The following FLRT2 variants were observed in gnomAD, a reference collection of about 807,000 sequenced individuals.
FLRT2 encodes fibronectin leucine rich transmembrane protein 2, also known as leucine-rich repeat transmembrane protein FLRT2.
FLRT2 carries 15 observed loss-of-function variants against 40.0 expected under a neutral mutation model. That is an observed-to-expected ratio of 0.38 (90% CI 0.25 to 0.58). The LOEUF is 0.58. Among genes scored for constraint, FLRT2 ranks in the 20% least tolerant of loss-of-function variants. FLRT2 has a pLI of 0.71. For missense variants in FLRT2, 726 were observed against 840.0 expected, an observed-to-expected ratio of 0.86 and a Z score of 1.68; for synonymous variants, 380 against 336.8, an observed-to-expected ratio of 1.13 and a Z score of -1.41.
chr14:85,558,096 T>A (rs1890087816), intron 1 of FLRT2, among the ~76,000 whole-genome samples: 2 of 151,276 alleles, frequency 1.3e-5, no homozygotes, highest in African/African-American at 4.9e-5. Context: ...GCACTGATGA[T>A]GTTGTATAAA....
At chr14:85,589,826 A>G (rs1007386524) in intron 1 of FLRT2, among the ~76,000 whole-genome samples, 1 of 152,114 alleles carries the variant, frequency 6.6e-6, no homozygotes, top group Non-Finnish European at 1.5e-5. Flanking sequence ...TCTTCTGCCT[A>G]TGGATATCAA....
chr14:85,540,276 G>C (rs999218439), intron 1 of FLRT2, among the ~76,000 whole-genome samples: 2 of 152,122 alleles, frequency 1.3e-5, no homozygotes, highest in African/African-American at 4.8e-5. Context: ...CATTAACAGT[G>C]AATAGAAAGA....
chr14:85,550,698 T>C (rs1331130086), intron 1 of FLRT2, among the ~76,000 whole-genome samples: 1 of 152,072 alleles, frequency 6.6e-6, no homozygotes, highest in Non-Finnish European at 1.5e-5. Flanking sequence ...AATCTAGAAA[T>C]GCAATGTTAA....
intron 1 of FLRT2, 142 bp downstream of exon 1, chr14:85,530,676 T>A (rs1167587347): frequency 3.3e-5 from 5 of 152,264 alleles, no homozygotes; most frequent in Admixed American, 1.3e-4. Context: ...CTCTAGGCTT[T>A]GTCTTTCACC....
At chr14:85,595,589 C>T (rs1432300596) in intron 1 of FLRT2, among the ~76,000 whole-genome samples, 1 of 152,028 alleles carries the variant, frequency 6.6e-6, no homozygotes, top group African/African-American at 2.4e-5. Context: ...TCATGGATTC[C>T]TTTCAAAAAT....
At chr14:85,531,331 C>A (rs1888259420) in intron 1 of FLRT2, 1 of 152,460 alleles carries the variant, frequency 6.6e-6, no homozygotes, top group African/African-American at 2.4e-5. Context: ...GCAGGCCTTG[C>A]CAGCTGTTAC....
At chr14:85,588,374 G>A (rs1325851320) in intron 1 of FLRT2, among the ~76,000 whole-genome samples, 1 of 151,824 alleles carries the variant, frequency 6.6e-6, no homozygotes, top group African/African-American at 2.4e-5. Context: ...AGGCAGGTAT[G>A]CTGTGTTAAT....
intron 1 of FLRT2, among the ~76,000 whole-genome samples, chr14:85,532,334 TACA>T (rs1473503548): frequency 1.3e-5 from 2 of 152,228 alleles, no homozygotes; most frequent in Non-Finnish European, 2.9e-5. Context: ...CCGGACTTGT[TACA>T]ACATGACAGC....
chr14:85,540,644 A>G (rs1042009261), intron 1 of FLRT2, among the ~76,000 whole-genome samples: 1 of 152,160 alleles, frequency 6.6e-6, no homozygotes, highest in African/African-American at 2.4e-5. Flanking sequence ...GATTTGAGGT[A>G]TGAAGTCTGT....
rs538459069 is a variant in FLRT2 at position 85,645,496 on chromosome 14, G to GACTTT, written c.*21999_*22000insACTTT. On this transcript the variant is annotated 3_prime_UTR_variant, in exon 2 of 2. Transcript: ENST00000330753. ...CTTCCAAGTGAGCAGGTCTTTGAAT[G>GACTTT]GTACATCTATTTGTTCACTCTGCTT... The GACTTT allele has an allele frequency of 1.1e-4, 17 of 152,014 alleles. No homozygotes were observed. In the East Asian group the frequency reaches 3.3e-3, roughly 30 times the overall value. 9.4% of individuals were successfully genotyped at this position (152,014 alleles called of 1,614,324 possible).
intron 1 of FLRT2, among the ~76,000 whole-genome samples, chr14:85,573,046 T>C (rs565313510): frequency 2.4e-4 from 36 of 152,192 alleles, no homozygotes; most frequent in Non-Finnish European, 4.7e-4. Context: ...TGTGCATACA[T>C]TTCTTTGTGA....
intron 1 of FLRT2, among the ~76,000 whole-genome samples, chr14:85,534,673 G>T (rs1888532957): frequency 6.6e-6 from 1 of 151,964 alleles, no homozygotes; most frequent in Non-Finnish European, 1.5e-5. Flanking sequence ...AATTTTTCTC[G>T]GTGGCCTGAT....
Position 85,648,914 on chromosome 14 carries a change from T to G in FLRT2, c.*25417T>G, listed in dbSNP as rs1248469732. ...AGGAATTAAATAACATTTTTCTGAATGAATAGATTTTAAACCATGTGTGAG... is the reference window on the plus strand; with the variant it reads ...AGGAATTAAATAACATTTTTCTGAAGGAATAGATTTTAAACCATGTGTGAG... On this transcript the variant is annotated 3_prime_UTR_variant, in exon 2 of 2. Transcript: ENST00000330753. 3.3e-5 allele frequency: 5 copies of G among 152,178 alleles called. No individual in the cohort carries two copies. The highest frequency in any genetic ancestry group is 1.2e-4 in the African/African-American group (5 of 41,458). 9.4% of individuals were successfully genotyped at this position (152,178 alleles called of 1,614,324 possible). A position where few individuals can be genotyped will look rare whatever the true frequency, so the allele number is the denominator to read the frequency against.
rs568642300 is a variant in FLRT2 at position 85,641,608 on chromosome 14, C to T, written c.*18111C>T. On this transcript the variant is annotated 3_prime_UTR_variant, in exon 2 of 2. Coordinates refer to ENST00000330753, the MANE Select transcript of FLRT2 (RefSeq NM_013231.6). The stretch of plus-strand genomic sequence containing the variant: ...TTCCTGATTTATTCCCCTCCCCTTT[C>T]CAATTCATTCCCTGATTTTGTGCAC... The T allele has an allele frequency of 2.0e-5, 3 of 152,332 alleles. No individual in the cohort carries two copies. Among genetic ancestry groups the T allele is most frequent in the Non-Finnish European group, 4.4e-5 (3 of 68,050 alleles). The allele number at this position is 152,332 out of a possible 1,614,324, so 9.4% of individuals were successfully genotyped here. A position where few individuals can be genotyped will look rare whatever the true frequency, so the allele number is the denominator to read the frequency against.
intron 1 of FLRT2, among the ~76,000 whole-genome samples, chr14:85,579,194 T>C (rs1566737622): frequency 2.0e-5 from 3 of 151,886 alleles, no homozygotes; most frequent in Admixed American, 1.3e-4. Context: ...CTGGTGAGAG[T>C]GGGAGGCTGG....
chr14:85,541,081 T>C (rs911898627), intron 1 of FLRT2, among the ~76,000 whole-genome samples: 3 of 152,180 alleles, frequency 2.0e-5, no homozygotes, highest in Admixed American at 6.5e-5. Context: ...ATGATAAAAA[T>C]AGTGATGTAA....
At chr14:85,540,442 G>A (rs1034793875) in intron 1 of FLRT2, among the ~76,000 whole-genome samples, 2 of 152,074 alleles carry the variant, frequency 1.3e-5, no homozygotes, top group Non-Finnish European at 2.9e-5. Flanking sequence ...TAATTTTAAA[G>A]GTTCCAAGAG....
chr14:85,625,804 CT>C lies in FLRT2; in HGVS notation c.*2311del. On this transcript the variant is annotated 3_prime_UTR_variant, in exon 2 of 2. Coordinates refer to ENST00000330753, the MANE Select transcript of FLRT2 (RefSeq NM_013231.6). Reference sequence around the variant, plus strand: ...GTGCATTCAAATGATGGTACTTTGACTTTTGAGGGTTTTTATTTCTGTTATT... The same window carrying C: ...GTGCATTCAAATGATGGTACTTTGACTTTGAGGGTTTTTATTTCTGTTATT... The C allele has an allele frequency of 6.0e-6, 1 of 167,110 alleles. No individual in the cohort carries two copies. The allele number at this position is 167,110 out of a possible 1,614,324, so 10.4% of individuals were successfully genotyped here. A position where few individuals can be genotyped will look rare whatever the true frequency, so the allele number is the denominator to read the frequency against.
intron 1 of FLRT2, among the ~76,000 whole-genome samples, chr14:85,598,007 C>T (rs1365221425): frequency 6.6e-6 from 1 of 152,180 alleles, no homozygotes; most frequent in African/African-American, 2.4e-5. Context: ...TCTCAGTTTT[C>T]AAACTCTTTT....
Sources: allele counts gnomAD v4.1 joint callset (sites outside exome capture counted in the v4.1 genomes callset), GRCh38; gene constraint gnomAD v4.1.1; transcripts MANE v1.5; gene names NCBI Gene and HGNC (gene_info 2026-07-23, HGNC 2026-07-21).